The following ST7L variants were observed in gnomAD, a reference collection of about 807,000 sequenced individuals.
The protein encoded by ST7L is suppressor of tumorigenicity 7 protein-like.
ST7L carries 57 observed loss-of-function variants against 72.5 expected under a neutral mutation model. The ratio of observed to expected loss-of-function variants is 0.79; its 90% CI spans 0.64 to 0.98. The LOEUF (loss-of-function observed/expected upper bound fraction) is 0.98. Among genes scored for constraint, ST7L ranks in the 50% least tolerant of loss-of-function variants. The probability of loss-of-function intolerance (pLI) is 0.00; values close to 1 mark genes in which losing one functional copy is unlikely to be tolerated. For missense variants in ST7L, 576 were observed against 672.2 expected (o/e 0.86, Z 1.58); for synonymous variants, 221 against 240.9 (o/e 0.92, Z 0.77).
intron 11 of ST7L, among the ~76,000 whole-genome samples, chr1:112,566,589 G>A (rs1028148054): frequency 6.6e-6 from 1 of 152,022 alleles, no homozygotes; most frequent in Non-Finnish European, 1.5e-5. Context: ...GAGCCACTGC[G>A]CCTGGCCATC....
chr1:112,605,404 A>C (rs1181071060), intron 3 of ST7L, among the ~76,000 whole-genome samples: 1 of 150,590 alleles, frequency 6.6e-6, no homozygotes, highest in African/African-American at 2.4e-5. Context: ...ACAACAACAA[A>C]AAGAGGCCAA....
intron 5 of ST7L, among the ~76,000 whole-genome samples, chr1:112,596,094 G>C (rs1253093919): frequency 1.3e-5 from 2 of 152,178 alleles, no homozygotes; most frequent in African/African-American, 2.4e-5. Context: ...TTAACATACA[G>C]TACTGATACT....
At position 112,597,741 on chromosome 1, in the gene ST7L, G is replaced by A. The variant is rs532580448; in HGVS notation, c.622+230C>T. 4.1e-4 allele frequency among the ~76,000 whole-genome samples: 62 copies of A among 152,214 alleles called. 1 individual carries two copies. The highest frequency in any genetic ancestry group is 1.7e-3 in the South Asian group (8 of 4,826). On this transcript the variant is annotated intron_variant, in intron 5 of 14. Coordinates refer to ENST00000358039, the MANE Select transcript of ST7L (RefSeq NM_017744.5). ...AGTAGTTGCTATATTTGATCTGAAA[G>A]GTTTTTGAAGTAGTAAAAGAAATAT...
At chr1:112,588,276 TG>T (rs1031171650) in intron 6 of ST7L, among the ~76,000 whole-genome samples, 4 of 152,236 alleles carry the variant, frequency 2.6e-5, no homozygotes, top group Admixed American at 2.6e-4. Flanking sequence ...TTAGATGCCA[TG>T]TAAAATTTTT....
intron 12 of ST7L, among the ~76,000 whole-genome samples, chr1:112,551,083 T>C (rs1658047740): frequency 6.6e-6 from 1 of 151,932 alleles, no homozygotes. Flanking sequence ...TAAAATAGTT[T>C]TCAATGGTTC....
intron 11 of ST7L, among the ~76,000 whole-genome samples, chr1:112,575,570 G>A (rs989349229): frequency 1.3e-5 from 2 of 152,156 alleles, no homozygotes; most frequent in Admixed American, 6.5e-5. Flanking sequence ...ACTAATGGGC[G>A]GGTAGCATAG....
chr1:112,525,895 G>A lies in ST7L; in HGVS notation c.*118C>T, dbSNP rs1426465431. 2.9e-6 allele frequency: 4 copies of A among 1,371,274 alleles called. No individual in the cohort carries two copies. Among genetic ancestry groups the A allele is most frequent in the African/African-American group, 2.9e-5 (2 of 69,202 alleles). 84.9% of individuals were successfully genotyped at this position (1,371,274 alleles called of 1,614,324 possible). ...TAAGAAGCTTTTTCATATGCAAAAT[G>A]CTTTAGCATATATGTAATCCTCACA... is the stretch of plus-strand genomic sequence containing the variant. On this transcript the variant is annotated 3_prime_UTR_variant, in exon 15 of 15. Coordinates refer to ENST00000358039, the MANE Select transcript of ST7L (RefSeq NM_017744.5).
intron 6 of ST7L, among the ~76,000 whole-genome samples, chr1:112,588,614 T>C (rs1053889210): frequency 5.3e-5 from 8 of 152,208 alleles, no homozygotes; most frequent in Non-Finnish European, 1.0e-4. Flanking sequence ...GATGGGGAAC[T>C]CTGTCAAATG....
chr1:112,618,839 G>C (rs1670373859), intron 1 of ST7L, 70 bp downstream of exon 1: 1 of 1,527,608 alleles, frequency 6.5e-7, no homozygotes, highest in African/African-American at 1.4e-5. Context: ...AGAATCTCTT[G>C]CCCTTTGGCT....
intron 9 of ST7L, among the ~76,000 whole-genome samples, chr1:112,580,720 C>T (rs1453464883): frequency 7.9e-5 from 12 of 152,064 alleles, no homozygotes; most frequent in Non-Finnish European, 1.5e-4. Flanking sequence ...GTCAGGAGAT[C>T]GAGACCATCC....
chr1:112,579,167 G>C (rs536537774), intron 9 of ST7L, among the ~76,000 whole-genome samples: 11 of 152,056 alleles, frequency 7.2e-5, no homozygotes, highest in Admixed American at 6.5e-4. Context: ...GGTGGATCAC[G>C]AGGTCAGGAG....
chr1:112,578,043 A>G (rs11102500), intron 10 of ST7L, among the ~76,000 whole-genome samples: 4,595 of 152,248 alleles, frequency 0.03, 247 homozygotes, highest in African/African-American at 0.1. Context: ...ACCACACATA[A>G]TCCTCCTACA....
At chr1:112,618,827 C>G in intron 1 of ST7L, 82 bp downstream of exon 1, 1 of 1,515,430 alleles carries the variant, frequency 6.6e-7, no homozygotes, top group Non-Finnish European at 8.9e-7. Flanking sequence ...CTAGGACTAC[C>G]GAGAATCTCT....
intron 11 of ST7L, among the ~76,000 whole-genome samples, chr1:112,570,007 T>C (rs1661803974): frequency 7.0e-6 from 1 of 142,278 alleles, no homozygotes; most frequent in Non-Finnish European, 1.5e-5. Flanking sequence ...GATGGTTGGA[T>C]AAGAAAAGTA....
intron 3 of ST7L, among the ~76,000 whole-genome samples, chr1:112,605,963 T>G (rs191058920): frequency 6.6e-6 from 1 of 152,368 alleles, no homozygotes; most frequent in East Asian, 1.9e-4. Context: ...ATGTTGACAA[T>G]TGAACAGCTC....
intron 4 of ST7L, among the ~76,000 whole-genome samples, chr1:112,599,971 A>G (rs974991698): frequency 6.6e-6 from 1 of 152,220 alleles, no homozygotes; most frequent in Non-Finnish European, 1.5e-5. Context: ...TTGGAAGGCC[A>G]AGGCAGGAGT....
intron 6 of ST7L, among the ~76,000 whole-genome samples, chr1:112,588,304 T>C (rs893521990): frequency 6.6e-6 from 1 of 152,238 alleles, no homozygotes; most frequent in African/African-American, 2.4e-5. Flanking sequence ...TAAACTGCAC[T>C]GACTAGAACC....
At chr1:112,568,889 A>ATATATATATATATATAT (rs1553247624) in intron 11 of ST7L, among the ~76,000 whole-genome samples, 115 of 115,520 alleles carry the variant, frequency 1.0e-3, no homozygotes, top group African/African-American at 2.0e-3. Context: ...TATATATATA[A>ATATATATATATATATAT]AACAAAAATT....
chr1:112,603,072 A>G (rs1048267987), intron 3 of ST7L, among the ~76,000 whole-genome samples: 1 of 152,128 alleles, frequency 6.6e-6, no homozygotes, highest in Non-Finnish European at 1.5e-5. Context: ...GAAGAAAATG[A>G]AAGTATTTGC....
Sources: allele counts gnomAD v4.1 joint callset (sites outside exome capture counted in the v4.1 genomes callset), GRCh38; gene constraint gnomAD v4.1.1; transcripts MANE v1.5; gene names NCBI Gene and HGNC (gene_info 2026-07-23, HGNC 2026-07-21).